BMAL1: variants seen among roughly 807,000 people sequenced by gnomAD.
BMAL1 encodes basic helix-loop-helix ARNT-like protein 1.
chr11:13,284,759 A>G, the BMAL1 span, among the ~76,000 whole-genome samples: 1 of 151,842 alleles, frequency 6.6e-6, no homozygotes, highest in African/African-American at 2.4e-5. Flanking sequence ...GCTCTGCTCA[A>G]CTCCTTTCAA....
chr11:13,310,848 G>T, the BMAL1 span, among the ~76,000 whole-genome samples: 3 of 152,224 alleles, frequency 2.0e-5, no homozygotes, highest in Non-Finnish European at 4.4e-5. Flanking sequence ...CAGAAGTGAT[G>T]TTTACATTTT....
At chr11:13,354,199 G>A in the BMAL1 span, 7 of 144,618 alleles carry the variant, frequency 4.8e-5, no homozygotes, top group South Asian at 1.1e-4. Context: ...CTCCCCCCCC[G>A]GCCCCCCACC....
At chr11:13,299,692 G>A in the BMAL1 span, among the ~76,000 whole-genome samples, 3 of 152,144 alleles carry the variant, frequency 2.0e-5, no homozygotes, top group East Asian at 3.9e-4. Flanking sequence ...CACGTGGCAC[G>A]CAGAGCCCAT....
chr11:13,354,283 C>G, the BMAL1 span: 2 of 1,529,148 alleles, frequency 1.3e-6, no homozygotes, highest in African/African-American at 2.8e-5. Context: ...ACCTTTGTGC[C>G]TCTTGTAACA....
the BMAL1 span, among the ~76,000 whole-genome samples, chr11:13,287,703 G>A: frequency 6.6e-6 from 1 of 152,208 alleles, no homozygotes; most frequent in Non-Finnish European, 1.5e-5. Flanking sequence ...TCAGGTATCA[G>A]TGTCTTTTAC....
the BMAL1 span, among the ~76,000 whole-genome samples, chr11:13,319,257 A>C: frequency 6.6e-6 from 1 of 152,162 alleles, no homozygotes; most frequent in Non-Finnish European, 1.5e-5. Flanking sequence ...ATTGATAGAC[A>C]CTCAGGTTGT....
chr11:13,331,647 T>G, the BMAL1 span, among the ~76,000 whole-genome samples: 1 of 152,148 alleles, frequency 6.6e-6, no homozygotes, highest in Non-Finnish European at 1.5e-5. Flanking sequence ...GGTAGAAGAA[T>G]AATAACTGAT....
chr11:13,290,938 C>T, the BMAL1 span, among the ~76,000 whole-genome samples: 1 of 152,278 alleles, frequency 6.6e-6, no homozygotes, highest in Non-Finnish European at 1.5e-5. Context: ...AGGCTCAGCT[C>T]AGCACAGCTC....
chr11:13,314,733 C>T, the BMAL1 span, among the ~76,000 whole-genome samples: 1 of 152,124 alleles, frequency 6.6e-6, no homozygotes, highest in African/African-American at 2.4e-5. Flanking sequence ...GTCTGACAGC[C>T]TTTTTCCCCC....
the BMAL1 span, among the ~76,000 whole-genome samples, chr11:13,381,773 C>T: frequency 1.3e-5 from 2 of 152,128 alleles, no homozygotes; most frequent in African/African-American, 2.4e-5. Context: ...AATCACCAGC[C>T]CTCATGAAGA....
chr11:13,374,739 C>G, the BMAL1 span, among the ~76,000 whole-genome samples: 5 of 152,178 alleles, frequency 3.3e-5, no homozygotes, highest in African/African-American at 1.2e-4. Context: ...TTCTCTGATC[C>G]CTCTCACCCC....
At chr11:13,298,960 T>C in the BMAL1 span, among the ~76,000 whole-genome samples, 1 of 152,218 alleles carries the variant, frequency 6.6e-6, no homozygotes, top group Non-Finnish European at 1.5e-5. Context: ...GACTGGCCTG[T>C]TCAGATTTGT....
At chr11:13,324,308 A>G in the BMAL1 span, among the ~76,000 whole-genome samples, 1 of 152,178 alleles carries the variant, frequency 6.6e-6, no homozygotes, top group African/African-American at 2.4e-5. Context: ...TTGGCCTGCC[A>G]GCCCCTCCTG....
At chr11:13,340,006 A>G in the BMAL1 span, among the ~76,000 whole-genome samples, 3 of 152,340 alleles carry the variant, frequency 2.0e-5, no homozygotes, top group Non-Finnish European at 4.4e-5. Context: ...CAGCATGCCA[A>G]CAGTGTCTTC....
the BMAL1 span, among the ~76,000 whole-genome samples, chr11:13,284,156 ATATG>A: frequency 1.3e-3 from 55 of 43,850 alleles, no homozygotes; most frequent in East Asian, 9.6e-3. Flanking sequence ...GTATATATAT[ATATG>A]TGTGTATATA....
At chr11:13,290,645 G>C in the BMAL1 span, among the ~76,000 whole-genome samples, 12 of 151,930 alleles carry the variant, frequency 7.9e-5, no homozygotes, top group Non-Finnish European at 1.6e-4. Context: ...ACTGTGCTAA[G>C]TGCTTACATA....
chr11:13,322,688 A>G, the BMAL1 span, among the ~76,000 whole-genome samples: 1 of 151,082 alleles, frequency 6.6e-6, no homozygotes, highest in African/African-American at 2.4e-5. Flanking sequence ...CCTGTCACCA[A>G]GGTATGCAGT....
the BMAL1 span, among the ~76,000 whole-genome samples, chr11:13,333,381 A>C: frequency 6.6e-6 from 1 of 152,158 alleles, no homozygotes; most frequent in East Asian, 1.9e-4. Flanking sequence ...TTCCAGAAAC[A>C]CTTTTGGTTC....
At chr11:13,277,520 A>G in the BMAL1 span, 5 of 152,094 alleles carry the variant, frequency 3.3e-5, no homozygotes, top group African/African-American at 1.2e-4. Flanking sequence ...GTAGCAGGTA[A>G]ACCGGCTCCC....
Sources: gnomAD v4.1 joint callset for allele counts (sites outside exome capture counted in the v4.1 genomes callset) on GRCh38, gnomAD v4.1.1 for gene constraint, MANE v1.5 for transcripts, NCBI Gene and HGNC (gene_info 2026-07-23, HGNC 2026-07-21) for gene names.